Variants in PYGB observed in about 807,000 individuals in gnomAD.
The protein encoded by PYGB is glycogen phosphorylase B, also known as glycogen phosphorylase, brain form.
Under a neutral mutation model 94.3 loss-of-function variants are expected in PYGB, and 82 were observed. That is an observed-to-expected ratio of 0.87 (90% CI 0.73 to 1.04). The LOEUF (loss-of-function observed/expected upper bound fraction) is 1.04, where lower values mean the gene tolerates loss of function less well. Among genes scored for constraint, PYGB ranks in the 50% least tolerant of loss-of-function variants. The probability of loss-of-function intolerance (pLI) is 0.00; values close to 1 mark genes in which losing one functional copy is unlikely to be tolerated. For missense variants in PYGB, 1,132 were observed against 1,158.2 expected (o/e 0.98, Z 0.33); for synonymous variants, 488 against 479.1 (o/e 1.02, Z -0.24).
chr20:25,281,235 C>T, intron 11 of PYGB, 123 bp downstream of exon 11: 1 of 1,311,332 alleles, frequency 7.6e-7, no homozygotes, highest in South Asian at 1.4e-5. Flanking sequence ...TAGGCCCCTG[C>T]CTCCATAGGA....
At chr20:25,282,363 A>G (rs1328504568) in intron 12 of PYGB, among the ~76,000 whole-genome samples, 1 of 152,238 alleles carries the variant, frequency 6.6e-6, no homozygotes, top group Admixed American at 6.5e-5. Context: ...GCGAGTTCAG[A>G]AGCCGAGCTT....
At chr20:25,279,612 T>TGCTTCGGGAA (rs2088347503) in intron 9 of PYGB, among the ~76,000 whole-genome samples, 1 of 152,092 alleles carries the variant, frequency 6.6e-6, no homozygotes, top group Non-Finnish European at 1.5e-5. Context: ...GTAATCCTAG[T>TGCTTCGGGAA]GCTTCGGGAA....
chr20:25,263,897 T>C (rs2092918898), intron 2 of PYGB, among the ~76,000 whole-genome samples: 2 of 152,088 alleles, frequency 1.3e-5, no homozygotes, highest in South Asian at 4.1e-4. Flanking sequence ...TTCCAATCAA[T>C]AGAAAAAGAG....
chr20:25,292,265 TGGGGGCTGGAGC>T (rs2145900273), intron 16 of PYGB, 129 bp from the exon 17 acceptor site: 1 of 958,386 alleles, frequency 1.0e-6, no homozygotes, highest in Admixed American at 2.5e-5. Flanking sequence ...GGAGCGGGAG[TGGGGGCTGGAGC>T]GGGGCCACAG....
In PYGB at chr20:25,269,148, A is replaced by G; in HGVS notation, c.365A>G (p.Glu122Gly). The G allele has an allele frequency of 6.3e-7, 1 of 1,594,740 alleles. No individual in the cohort carries two copies. The highest frequency in any genetic ancestry group is 8.6e-7 in the Non-Finnish European group (1 of 1,162,338). ...TTGCAGTTGGGGTTAGACTTGGAGG[A>G]ACTCGAGGAGATAGAAGAAGATGCT... ...AIYQLGLDLE[E>G]LEEIEEDAGL... The change falls in exon 3 of 20, where the codon GAA (glutamate) becomes GGA (glycine). Residue 122 changes from glutamate (E) to glycine (G), a missense_variant. Coordinates refer to ENST00000216962, the MANE Select transcript of PYGB (RefSeq NM_002862.4).
Position 25,253,773 on chromosome 20 carries a change from C to T in PYGB, c.243+5352C>T, listed in dbSNP as rs73341140. Reference sequence around the variant, plus strand: ...AGAGATTTCTTGTAATTCCTGTTGACGCTTCATCCGGATTCCCCAGATGTT... The same window carrying T: ...AGAGATTTCTTGTAATTCCTGTTGATGCTTCATCCGGATTCCCCAGATGTT... On this transcript the variant is annotated intron_variant, in intron 1 of 19. Transcript: ENST00000216962. Among the ~76,000 whole-genome samples, 1,010 of 152,234 alleles carry T rather than the reference C, an allele frequency of 6.6e-3. 15 individuals carry two copies. Among genetic ancestry groups the T allele is most frequent in the African/African-American group, 0.023 (965 of 41,514 alleles).
chr20:25,278,219 G>T (rs1293175290), intron 7 of PYGB, 100 bp from the exon 8 acceptor site: 1 of 1,326,334 alleles, frequency 7.5e-7, no homozygotes, highest in Middle Eastern at 2.7e-4. Flanking sequence ...GGCTCCTCTC[G>T]GCCTTCTGCC....
Position 25,296,417 on chromosome 20 carries a change from G to A in PYGB, c.2427G>A (p.Ser809=), listed in dbSNP as rs200407106. Residue 809 remains serine, a synonymous_variant, in exon 20 of 20, where the codon TCG becomes TCA. Coordinates refer to ENST00000216962, the MANE Select transcript of PYGB (RefSeq NM_002862.4). The part of the protein sequence containing the change: ...TKKVIRNIAC[S]GKFSSDRTIT... ...AGGTCATCAGGAACATCGCCTGCTC[G>A]GGCAAGTTCTCCAGTGACCGGACCA... The A allele has an allele frequency of 2.9e-5, 46 of 1,613,980 alleles. No individual in the cohort carries two copies. In the Admixed American group the frequency reaches 3.5e-4, roughly 12 times the overall value.
At chr20:25,282,251 T>C in intron 12 of PYGB, 104 bp downstream of exon 12, 1 of 926,094 alleles carries the variant, frequency 1.1e-6, no homozygotes, top group Non-Finnish European at 1.6e-6. Context: ...CAGGAGTCTG[T>C]CCCTCACGTG....
intron 17 of PYGB, 34 bp from the exon 18 acceptor site, chr20:25,294,124 G>A (rs1411176934): frequency 2.2e-5 from 35 of 1,608,140 alleles, no homozygotes; most frequent in Non-Finnish European, 2.9e-5. Context: ...CACCTGGGGC[G>A]CTGGCTGCTG....
chr20:25,292,667 T>G, intron 17 of PYGB, 54 bp downstream of exon 17: 1 of 1,571,464 alleles, frequency 6.4e-7, no homozygotes, highest in Non-Finnish European at 8.6e-7. Flanking sequence ...GAATGAAGGG[T>G]GTTGGGCTGG....
chr20:25,280,839 G>T, intron 10 of PYGB, 110 bp from the exon 11 acceptor site: 1 of 1,391,528 alleles, frequency 7.2e-7, no homozygotes. Context: ...TTCCCTGGAG[G>T]CAGCAGAGCT....
intron 2 of PYGB, among the ~76,000 whole-genome samples, chr20:25,260,635 G>A (rs2092911256): frequency 6.6e-6 from 1 of 152,176 alleles, no homozygotes; most frequent in Non-Finnish European, 1.5e-5. Flanking sequence ...CGGACTGTGG[G>A]TGTAGCCCAC....
At chr20:25,258,681 A>AAGCC (rs953352730) in intron 1 of PYGB, among the ~76,000 whole-genome samples, 5 of 152,246 alleles carry the variant, frequency 3.3e-5, no homozygotes, top group African/African-American at 1.2e-4. Context: ...TGGCAACCCC[A>AAGCC]AGCCAGCCAG....
intron 18 of PYGB, 37 bp downstream of exon 18, chr20:25,294,329 A>C: frequency 1.6e-5 from 5 of 316,888 alleles, no homozygotes; most frequent in Non-Finnish European, 3.1e-5. Context: ...GCTGGGAGGG[A>C]GGGAGGGAGG....
rs5841051 is a variant in PYGB at position 25,249,850 on chromosome 20, A to ATT, written c.243+1444_243+1445dup. On this transcript the variant is annotated intron_variant, in intron 1 of 19. Coordinates refer to ENST00000216962, the MANE Select transcript of PYGB (RefSeq NM_002862.4). ...TGGGAGAGTTCTGATGCACAGCACC[A>ATT]TTTTTTTTTTTTTTTTAATTCTGAG... 4.1e-3 allele frequency among the ~76,000 whole-genome samples: 591 copies of ATT among 144,312 alleles called. 5 individuals are homozygous for ATT. The highest frequency in any genetic ancestry group is 4.7e-3 in the East Asian group (23 of 4,898). The allele number at this position is 144,312 out of a possible 152,430, so 94.7% of individuals were successfully genotyped here.
At chr20:25,290,795 T>C (rs1386521280) in intron 16 of PYGB, among the ~76,000 whole-genome samples, 173 bp downstream of exon 16, 5 of 152,168 alleles carry the variant, frequency 3.3e-5, no homozygotes, top group Non-Finnish European at 7.4e-5. Flanking sequence ...CCCCGTGCAG[T>C]GCGGAGGACT....
At chr20:25,262,105 C>G (rs927944593) in intron 2 of PYGB, among the ~76,000 whole-genome samples, 1 of 152,112 alleles carries the variant, frequency 6.6e-6, no homozygotes, top group Non-Finnish European at 1.5e-5. Context: ...CAGGCCAACA[C>G]TCAAATACAG....
chr20:25,277,502 G>C (rs1258632247), intron 7 of PYGB, among the ~76,000 whole-genome samples, 176 bp downstream of exon 7: 6 of 152,156 alleles, frequency 3.9e-5, no homozygotes, highest in East Asian at 1.9e-4. Context: ...AGGGTGCACT[G>C]TCCTCCATAA....
Sources: gnomAD v4.1 joint callset for allele counts (sites outside exome capture counted in the v4.1 genomes callset) on GRCh38, gnomAD v4.1.1 for gene constraint, MANE v1.5 for transcripts, NCBI Gene and HGNC (gene_info 2026-07-23, HGNC 2026-07-21) for gene names.